ADGRE1: variants seen among roughly 807,000 people sequenced by gnomAD.
The protein encoded by ADGRE1 is EGF-like module receptor 1.
In ADGRE1, 82 loss-of-function variants were observed where a neutral mutation model predicts 102.7. The ratio of observed to expected loss-of-function variants is 0.80; its 90% CI spans 0.67 to 0.96. ADGRE1 has a LOEUF of 0.96. Ranked by LOEUF, ADGRE1 falls within the 40% of genes least tolerant of loss-of-function variation. ADGRE1 has a pLI of 0.00. For missense variants in ADGRE1, 1,032 were observed against 1,085.3 expected (o/e 0.95, Z 0.69); for synonymous variants, 398 against 399.6 (o/e 1.00, Z 0.05).
intron 18 of ADGRE1, 28 bp from the exon 19 acceptor site, chr19:6,937,215 C>G (rs779413458): frequency 1.2e-6 from 2 of 1,601,788 alleles, no homozygotes; most frequent in Non-Finnish European, 1.7e-6. Context: ...CCTCCCAGAG[C>G]CTTACATGCT....
At chr19:6,902,559 G>C (rs1471171189) in intron 6 of ADGRE1, among the ~76,000 whole-genome samples, 2 of 151,824 alleles carry the variant, frequency 1.3e-5, no homozygotes, top group East Asian at 3.9e-4. Context: ...TCCTGCCTCA[G>C]CCTCCCAAGT....
chr19:6,912,339 AG>A (rs1204900859), intron 10 of ADGRE1, among the ~76,000 whole-genome samples: 1 of 152,210 alleles, frequency 6.6e-6, no homozygotes, highest in Non-Finnish European at 1.5e-5. Context: ...CAGACTGCCA[AG>A]GTTCAAATCG....
chr19:6,891,059 C>T (rs915739513), intron 2 of ADGRE1: 5 of 152,476 alleles, frequency 3.3e-5, no homozygotes, highest in African/African-American at 1.2e-4. Flanking sequence ...CAAATCTCAC[C>T]TTAAATTGTA....
rs937639430 is a variant in ADGRE1 at position 6,924,994 on chromosome 19, C to G, written c.1986+122C>G. The G allele has an allele frequency of 1.1e-5, 11 of 995,394 alleles. No individual in the cohort carries two copies. The African/African-American group carries it at 1.6e-4, about 14-fold the overall frequency. The allele number at this position is 995,394 out of a possible 1,614,324, so 61.7% of individuals were successfully genotyped here. ...TCAGGGCCTTTGCATATGCTGTGCC[C>G]TCTGCCTGTAACACTCACTTCCCAG... is the stretch of plus-strand genomic sequence containing the variant. On this transcript the variant is annotated intron_variant, in intron 15 of 20. Transcript: ENST00000312053.
intron 11 of ADGRE1, among the ~76,000 whole-genome samples, chr19:6,915,920 CAAAA>C (rs67370670): frequency 4.4e-4 from 26 of 59,170 alleles, no homozygotes; most frequent in African/African-American, 1.9e-3. Context: ...GACTCCGTCT[CAAAA>C]AAAAAAAAAA....
At position 6,910,398 on chromosome 19, in the gene ADGRE1, C is replaced by T. The variant is rs142125534; in HGVS notation, c.1122+1626C>T. Reference sequence around the variant, plus strand: ...GTCCTGAGCGACTCATAAATCCAATCGATCGAATCTATAAATATAATAATT... The same window carrying T: ...GTCCTGAGCGACTCATAAATCCAATTGATCGAATCTATAAATATAATAATT... On this transcript the variant is annotated intron_variant, in intron 10 of 20. Transcript: ENST00000312053. Among the ~76,000 whole-genome samples, 192 of 152,108 alleles carry T rather than the reference C, an allele frequency of 1.3e-3. 2 individuals carry two copies. The highest frequency in any genetic ancestry group is 4.3e-3 in the African/African-American group (180 of 41,498).
At chr19:6,935,122 T>C in intron 18 of ADGRE1, 44 bp downstream of exon 18, 2 of 1,491,732 alleles carry the variant, frequency 1.3e-6, no homozygotes, top group Non-Finnish European at 1.8e-6. Flanking sequence ...ATTTCCTCTT[T>C]CTTCTTCCCA....
intron 5 of ADGRE1, 63 bp downstream of exon 5, chr19:6,897,610 G>A: frequency 7.0e-7 from 1 of 1,434,872 alleles, no homozygotes; most frequent in Non-Finnish European, 9.2e-7. Context: ...CTCACTGGAA[G>A]ACCATATGAG....
intron 10 of ADGRE1, among the ~76,000 whole-genome samples, chr19:6,909,059 G>A (rs1490101647): frequency 5.3e-5 from 8 of 151,576 alleles, no homozygotes; most frequent in Non-Finnish European, 1.0e-4. Flanking sequence ...GCTTGAACCC[G>A]GGAGGTGGAG....
rs936845933 is a variant in ADGRE1 at position 6,937,001 on chromosome 19, G to A, written c.2382-242G>A. ...TCGAACTTCTGTCCTCAGGTGACCT[G>A]CCCACCTCGGCCTCCCAAAGTGCTG... is the stretch of plus-strand genomic sequence containing the variant. On this transcript the variant is annotated intron_variant, in intron 18 of 20. Transcript: ENST00000312053. Among the ~76,000 whole-genome samples, 3 of 151,760 alleles carry A rather than the reference G, an allele frequency of 2.0e-5. No homozygotes were observed. In the East Asian group the frequency reaches 5.8e-4, roughly 29 times the overall value.
intron 8 of ADGRE1, among the ~76,000 whole-genome samples, chr19:6,905,470 A>T (rs1321855680): frequency 6.6e-6 from 1 of 151,444 alleles, no homozygotes; most frequent in Non-Finnish European, 1.5e-5. Flanking sequence ...CTTCTGCCTC[A>T]GCCTGCCGAG....
rs774260084 is a variant in ADGRE1, at chr19:6,926,495, C to T, written c.2116C>T (p.Arg706Cys). 1.2e-5 allele frequency: 20 copies of T among 1,614,238 alleles called. No individual in the cohort carries two copies. The highest frequency in any genetic ancestry group is 4.5e-5 in the East Asian group (2 of 44,894). The change falls in exon 16 of 21, where the codon CGC (arginine) becomes TGC (cysteine). Residue 706 changes from arginine to cysteine, a missense_variant. By Grantham distance (180) the Arg-to-Cys change is radical. Coordinates refer to ENST00000312053, the MANE Select transcript of ADGRE1 (RefSeq NM_001974.5). ...GAAGGTGGTGAATTACTTCAGCTCT[C>T]GCAACATCAAGATGCTGCACATCTG... ...NLKVVNYFSSRNIKMLHICAF... is the reference protein window; with the variant it reads ...NLKVVNYFSSCNIKMLHICAF...
chr19:6,919,442 C>CTGGGTGTGTG, intron 12 of ADGRE1, 106 bp from the exon 13 acceptor site: 1 of 448,580 alleles, frequency 2.2e-6, no homozygotes, highest in Admixed American at 3.4e-5. Flanking sequence ...CTCCCTCCCT[C>CTGGGTGTGTG]TGTGTGTGTG....
rs920120864 is a variant in ADGRE1 at position 6,928,163 on chromosome 19, G to A, written c.2241G>A (p.Glu747=). Residue 747 remains glutamate, a synonymous_variant, in exon 17 of 21, where the codon GAG becomes GAA. Coordinates refer to ENST00000312053, the MANE Select transcript of ADGRE1 (RefSeq NM_001974.5). The part of the protein sequence containing the change: ...GMHNRCWLNT[E]TGFIWSFLGP... ...TCCACAGCTGCTGGCTGAATACAGA[G>A]ACAGGGTTCATCTGGAGTTTCTTGG... The A allele has an allele frequency of 6.2e-7, 1 of 1,614,072 alleles. No individual in the cohort carries two copies. The highest frequency in any genetic ancestry group is 2.2e-5 in the East Asian group (1 of 44,884).
intron 20 of ADGRE1, 101 bp from the exon 21 acceptor site, chr19:6,939,923 A>T: frequency 1.6e-6 from 2 of 1,272,712 alleles, no homozygotes; most frequent in Non-Finnish European, 2.3e-6. Context: ...AGTCTTTGTT[A>T]CTGTATTTTT....
intron 10 of ADGRE1, among the ~76,000 whole-genome samples, chr19:6,911,042 G>A (rs1293098764): frequency 6.6e-6 from 1 of 152,054 alleles, no homozygotes; most frequent in Non-Finnish European, 1.5e-5. Flanking sequence ...TCAGAGGGGC[G>A]GGATTTGAAG....
chr19:6,890,262 T>C (rs539080576), intron 1 of ADGRE1, among the ~76,000 whole-genome samples: 1 of 152,054 alleles, frequency 6.6e-6, no homozygotes, highest in African/African-American at 2.4e-5. Flanking sequence ...ACAGACAAAA[T>C]GAAAAGCAAA....
At chr19:6,918,440 CA>C (rs368047931) in intron 12 of ADGRE1, among the ~76,000 whole-genome samples, 483 of 145,610 alleles carry the variant, frequency 3.3e-3, no homozygotes, top group African/African-American at 0.012. Context: ...GACTCTGTCT[CA>C]AAAAAAAAAG....
chr19:6,911,416 G>C (rs566970427), intron 10 of ADGRE1, among the ~76,000 whole-genome samples: 72 of 50,060 alleles, frequency 1.4e-3, no homozygotes, highest in Non-Finnish European at 3.6e-3. Context: ...GCTTGGGTCA[G>C]AGTCACATGT....
Sources: gnomAD v4.1 joint callset for allele counts (sites outside exome capture counted in the v4.1 genomes callset) on GRCh38, gnomAD v4.1.1 for gene constraint, MANE v1.5 for transcripts, NCBI Gene and HGNC (gene_info 2026-07-23, HGNC 2026-07-21) for gene names.